Variants in CPLANE2 observed in about 807,000 individuals in gnomAD.
The protein encoded by CPLANE2 is ciliogenesis and planar polarity effector 2.
CPLANE2 carries 24 observed loss-of-function variants against 20.9 expected under a neutral mutation model. The observed-to-expected ratio is 1.15, with a 90% CI of 0.83 to 1.61. The LOEUF (loss-of-function observed/expected upper bound fraction) is 1.61, where lower values mean the gene tolerates loss of function less well. Among genes scored for constraint, CPLANE2 ranks in the 40% most tolerant of loss-of-function variants. The pLI, the probability that CPLANE2 is intolerant of heterozygous loss-of-function variation, is 0.00. For missense variants in CPLANE2, 330 were observed against 355.1 expected (o/e 0.93, Z 0.57); for synonymous variants, 132 against 144.3 (o/e 0.92, Z 0.61).
chr1:16,236,921 T>G lies in CPLANE2; in HGVS notation c.-179A>C. The G allele has an allele frequency of 1.6e-6, 1 of 613,938 alleles. No homozygotes were observed. The highest frequency in any genetic ancestry group is 2.5e-5 in the Admixed American group (1 of 40,102). The allele number at this position is 613,938 out of a possible 1,614,324, so 38.0% of individuals were successfully genotyped here. The stretch of plus-strand genomic sequence containing the variant: ...TCTCCTTCGCAATGCTCCCTGGGGA[T>G]AGTCATCCCATTACTGCCCATGGAG... On this transcript the variant is annotated 5_prime_UTR_variant, in exon 1 of 5. Coordinates refer to ENST00000375599, the MANE Select transcript of CPLANE2 (RefSeq NM_030907.4).
intron 2 of CPLANE2, 124 bp downstream of exon 2, chr1:16,233,488 T>A: frequency 8.5e-7 from 1 of 1,182,542 alleles, no homozygotes; most frequent in Non-Finnish European, 1.2e-6. Flanking sequence ...GGAGCCCATG[T>A]AGGCTCAGAG....
intron 1 of CPLANE2, 55 bp from the exon 2 acceptor site, chr1:16,233,819 C>A: frequency 6.3e-7 from 1 of 1,598,962 alleles, no homozygotes; most frequent in South Asian, 1.1e-5. Context: ...TTGAAGGTGT[C>A]CCCCAGAGTT....
At chr1:16,233,486 T>C (rs2081440413) in intron 2 of CPLANE2, 126 bp downstream of exon 2, 1 of 1,148,452 alleles carries the variant, frequency 8.7e-7, no homozygotes, top group Non-Finnish European at 1.3e-6. Context: ...AAGGAGCCCA[T>C]GTAGGCTCAG....
At chr1:16,234,425 T>TA (rs1283097396) in intron 1 of CPLANE2, among the ~76,000 whole-genome samples, 4 of 151,714 alleles carry the variant, frequency 2.6e-5, no homozygotes, top group African/African-American at 4.9e-5. Context: ...ATAAATAACT[T>TA]AGAGTGTGGT....
Position 16,233,669 on chromosome 1 carries a change from C to A in CPLANE2, c.208G>T (p.Ala70Ser). The A allele has an allele frequency of 6.2e-7, 1 of 1,614,184 alleles. No homozygotes were observed. Among genetic ancestry groups the A allele is most frequent in the Non-Finnish European group, 8.5e-7 (1 of 1,180,050 alleles). The stretch of plus-strand genomic sequence containing the variant: ...AGGCCAGCCAGCTTGGCCACCAGCG[C>A]CGTCTTGCCCACACCACTCTTCCCG... ...VSGKSGVGKT[A>S]LVAKLAGLEV... The change falls in exon 2 of 5, where the codon GCG becomes TCG. Residue 70 changes from alanine to serine, a missense_variant. Coordinates refer to ENST00000375599, the MANE Select transcript of CPLANE2 (RefSeq NM_030907.4).
intron 1 of CPLANE2, among the ~76,000 whole-genome samples, chr1:16,234,701 G>T (rs1336063211): frequency 6.6e-6 from 1 of 151,960 alleles, no homozygotes; most frequent in African/African-American, 2.4e-5. Context: ...ATTTCTAATG[G>T]CTTCTTCAGG....
chr1:16,235,960 CCA>C (rs1304773264), intron 1 of CPLANE2, among the ~76,000 whole-genome samples: 2 of 152,196 alleles, frequency 1.3e-5, no homozygotes, highest in Non-Finnish European at 2.9e-5. Flanking sequence ...GGATTACAGG[CCA>C]CTGCGCCCAG....
rs1022116604 is a variant in CPLANE2 at position 16,231,709 on chromosome 1, G to A, written c.*339C>T. 23 of 366,150 alleles carry A rather than the reference G, an allele frequency of 6.3e-5. No homozygotes were observed. The highest frequency in any genetic ancestry group is 7.1e-5 in the Non-Finnish European group (14 of 198,570). The allele number at this position is 366,150 out of a possible 1,614,324, so 22.7% of individuals were successfully genotyped here. A position where few individuals can be genotyped will look rare whatever the true frequency, so the allele number is the denominator to read the frequency against. ...CTCTGGAGTTCAGCACTGGGATTTCGGGGTTTATCTGTTACAACAGATGGT... is the reference window on the plus strand; with the variant it reads ...CTCTGGAGTTCAGCACTGGGATTTCAGGGTTTATCTGTTACAACAGATGGT... On this transcript the variant is annotated 3_prime_UTR_variant, in exon 5 of 5. Transcript: ENST00000375599.
intron 1 of CPLANE2, among the ~76,000 whole-genome samples, chr1:16,234,842 C>T (rs1203100501): frequency 2.0e-5 from 3 of 152,138 alleles, no homozygotes; most frequent in Admixed American, 6.5e-5. Context: ...ATTCTCCTGC[C>T]TCAGCCTCCC....
rs544902633 is a variant in CPLANE2 at position 16,232,678 on chromosome 1, C to T, written c.391-32G>A. On this transcript the variant is annotated intron_variant, in intron 3 of 4. Coordinates refer to ENST00000375599, the MANE Select transcript of CPLANE2 (RefSeq NM_030907.4). Reference sequence around the variant, plus strand: ...ATGGAGAGGCATATAACCATGTCACCCCCCATCAGCTGCAGGGCCCTCAGA... The same window carrying T: ...ATGGAGAGGCATATAACCATGTCACTCCCCATCAGCTGCAGGGCCCTCAGA... 24 of 1,612,168 alleles carry T rather than the reference C, an allele frequency of 1.5e-5. 1 individual carries two copies. In the South Asian group the frequency reaches 2.5e-4, roughly 17 times the overall value.
intron 1 of CPLANE2, 23 bp from the exon 2 acceptor site, chr1:16,233,787 C>T (rs778962760): frequency 6.2e-7 from 1 of 1,613,686 alleles, no homozygotes; most frequent in Non-Finnish European, 8.5e-7. Context: ...GAGAGCCAGG[C>T]AGGGTCAAGG....
At chr1:16,234,128 G>A (rs1014021834) in intron 1 of CPLANE2, among the ~76,000 whole-genome samples, 68 of 152,102 alleles carry the variant, frequency 4.5e-4, no homozygotes, top group African/African-American at 1.3e-3. Context: ...GGCCTGGTGC[G>A]GTGGCTTACA....
intron 2 of CPLANE2, among the ~76,000 whole-genome samples, chr1:16,233,269 C>T (rs1221861460): frequency 6.6e-6 from 1 of 152,168 alleles, no homozygotes. Flanking sequence ...GTTTGTATGT[C>T]CAGGGAGACC....
intron 1 of CPLANE2, among the ~76,000 whole-genome samples, chr1:16,235,499 GTAAA>G (rs1205486590): frequency 6.6e-6 from 1 of 152,010 alleles, no homozygotes; most frequent in Non-Finnish European, 1.5e-5. Flanking sequence ...ACTCTATGGG[GTAAA>G]TACTGTGATT....
At position 16,232,927 on chromosome 1, in the gene CPLANE2, T is replaced by C. The variant is rs1383404122; in HGVS notation, c.356A>G (p.Glu119Gly). The C allele has an allele frequency of 1.2e-6, 2 of 1,614,106 alleles. No homozygotes were observed. The highest frequency in any genetic ancestry group is 2.7e-5 in the African/African-American group (2 of 75,016). ...ATGATCGAACTTTTTGAGTGCAGACTCTCCACAGTCCCAGAACTCAAAACG... is the reference window on the plus strand; with the variant it reads ...ATGATCGAACTTTTTGAGTGCAGACCCTCCACAGTCCCAGAACTCAAAACG... ...MFRFEFWDCGESALKKFDHML... is the reference protein window; with the variant it reads ...MFRFEFWDCGGSALKKFDHML... Residue 119 changes from glutamate to glycine, a missense_variant, in exon 3 of 5, where the codon GAG becomes GGG. Coordinates refer to ENST00000375599, the MANE Select transcript of CPLANE2 (RefSeq NM_030907.4).
rs1038469067 is a variant in CPLANE2 at position 16,234,263 on chromosome 1, G to A, written c.113-499C>T. On this transcript the variant is annotated intron_variant, in intron 1 of 4. Transcript: ENST00000375599. ...AAAAAAAATACCAAAAATCAGCTGGGTGTGGTGGTGGGTGCCTATAATCCC... is the reference window on the plus strand; with the variant it reads ...AAAAAAAATACCAAAAATCAGCTGGATGTGGTGGTGGGTGCCTATAATCCC... Among the ~76,000 whole-genome samples, 4 of 152,130 alleles carry A rather than the reference G, an allele frequency of 2.6e-5. No homozygotes were observed. The East Asian group carries it at 7.7e-4, about 29-fold the overall frequency.
Position 16,233,034 on chromosome 1 carries a change from G to GC in CPLANE2, c.266-18_266-17insG. On this transcript the variant is annotated splice_polypyrimidine_tract_variant and intron_variant, in intron 2 of 4. Coordinates refer to ENST00000375599, the MANE Select transcript of CPLANE2 (RefSeq NM_030907.4). ...TCTGGATGCCTGAGGGGGAGCCAGG[G>GC]TCAGCCACTCACCATGGGAGAGGTG... The GC allele has an allele frequency of 6.2e-7, 1 of 1,613,994 alleles. No individual in the cohort carries two copies. The highest frequency in any genetic ancestry group is 8.5e-7 in the Non-Finnish European group (1 of 1,179,916).
rs2081442750 is a variant in CPLANE2 at position 16,233,672 on chromosome 1, T to C, written c.205A>G (p.Thr69Ala). The C allele has an allele frequency of 2.5e-6, 4 of 1,614,024 alleles. No individual in the cohort carries two copies. Among genetic ancestry groups the C allele is most frequent in the Non-Finnish European group, 3.4e-6 (4 of 1,180,046 alleles). Residue 69 changes from threonine (T) to alanine (A), a missense_variant, in exon 2 of 5, where the codon ACG (threonine) becomes GCG (alanine). Transcript: ENST00000375599. ...FVSGKSGVGK[T>A]ALVAKLAGLE... ...CCAGCCAGCTTGGCCACCAGCGCCGTCTTGCCCACACCACTCTTCCCGGAC... is the reference window on the plus strand; with the variant it reads ...CCAGCCAGCTTGGCCACCAGCGCCGCCTTGCCCACACCACTCTTCCCGGAC...
At chr1:16,236,493 GGCTGAAGACT>G (rs1327924120) in intron 1 of CPLANE2, 128 bp downstream of exon 1, 4 of 680,552 alleles carry the variant, frequency 5.9e-6, no homozygotes, top group Admixed American at 4.7e-5. Context: ...CAGTCCCCCA[GGCTGAAGACT>G]GCTGAAGACT....
Sources: gnomAD v4.1 joint callset for allele counts (sites outside exome capture counted in the v4.1 genomes callset) on GRCh38, gnomAD v4.1.1 for gene constraint, MANE v1.5 for transcripts, NCBI Gene and HGNC (gene_info 2026-07-23, HGNC 2026-07-21) for gene names.